Variants in DIP2C observed in about 807,000 individuals in gnomAD.
DIP2C encodes disco-interacting protein 2 homolog C.
DIP2C carries 33 observed loss-of-function variants against 192.4 expected under a neutral mutation model. The ratio of observed to expected loss-of-function variants is 0.17; its 90% CI spans 0.13 to 0.23. DIP2C has a LOEUF of 0.23. Ranked by LOEUF, DIP2C falls within the 10% of genes least tolerant of loss-of-function variation. The pLI is 1.00. For synonymous variants in DIP2C, 979 were observed against 864.1 expected, an observed-to-expected ratio of 1.13 and a Z score of -2.33; for missense variants, 1,537 against 2,110.1, an observed-to-expected ratio of 0.73 and a Z score of 5.32.
rs371827811 is a variant in DIP2C, at chr10:416,192, A to C, written c.740-304T>G. 3.9e-5 allele frequency among the ~76,000 whole-genome samples: 6 copies of C among 152,152 alleles called. No individual in the cohort carries two copies. The South Asian group carries it at 1.2e-3, about 32-fold the overall frequency. On this transcript the variant is annotated intron_variant, in intron 6 of 36. Coordinates refer to ENST00000280886, the MANE Select transcript of DIP2C (RefSeq NM_014974.3). ...CCCCAGCTCTGATTCTCAGGACAGAATTGTCACCTGCAGAGGGCAGACTCC... is the reference window on the plus strand; with the variant it reads ...CCCCAGCTCTGATTCTCAGGACAGACTTGTCACCTGCAGAGGGCAGACTCC...
chr10:525,909 G>A (rs1588389413), intron 1 of DIP2C, among the ~76,000 whole-genome samples: 1 of 152,186 alleles, frequency 6.6e-6, no homozygotes, highest in Non-Finnish European at 1.5e-5. Context: ...TCTGTGCCCA[G>A]GAATCTGCAT....
intron 1 of DIP2C, among the ~76,000 whole-genome samples, chr10:572,103 C>T (rs1849855603): frequency 6.6e-6 from 1 of 152,228 alleles, no homozygotes; most frequent in Non-Finnish European, 1.5e-5. Context: ...TGACAGCCTT[C>T]GATCACGGTT....
chr10:442,910 T>A (rs1397732573), intron 3 of DIP2C, among the ~76,000 whole-genome samples: 1 of 152,386 alleles, frequency 6.6e-6, no homozygotes, highest in East Asian at 1.9e-4. Context: ...AAGTGATTTT[T>A]ACCCTTCGTG....
At chr10:523,785 C>G (rs1177285564) in intron 1 of DIP2C, among the ~76,000 whole-genome samples, 1 of 152,176 alleles carries the variant, frequency 6.6e-6, no homozygotes, top group Non-Finnish European at 1.5e-5. Context: ...CCACCTGACG[C>G]AAAGGACCCT....
intron 17 of DIP2C, among the ~76,000 whole-genome samples, chr10:381,849 G>GC (rs1284648926): frequency 1.3e-5 from 2 of 152,238 alleles, no homozygotes; most frequent in Admixed American, 6.5e-5. Context: ...TGGACATGCT[G>GC]CCCCAAGAGC....
intron 1 of DIP2C, among the ~76,000 whole-genome samples, chr10:516,961 C>T (rs957375787): frequency 1.3e-4 from 19 of 151,430 alleles, no homozygotes; most frequent in Admixed American, 5.2e-4. Flanking sequence ...GAGAGGCATC[C>T]GCGGCACTTC....
At chr10:558,809 G>T (rs1019500246) in intron 1 of DIP2C, among the ~76,000 whole-genome samples, 1 of 152,124 alleles carries the variant, frequency 6.6e-6, no homozygotes, top group Non-Finnish European at 1.5e-5. Context: ...GGCAACACAG[G>T]AACAAAATAA....
Position 685,623 on chromosome 10 carries a change from G to A in DIP2C, c.85+3871C>T, listed in dbSNP as rs186290809. Among the ~76,000 whole-genome samples, 1,273 of 152,198 alleles carry A rather than the reference G, an allele frequency of 8.4e-3. 14 individuals carry two copies. Among genetic ancestry groups the A allele is most frequent in the Middle Eastern group, 0.027 (8 of 294 alleles). ...AACAGAGAAACTTACTTCCTAATTTGAATCAACAGCTAAATGCAATCTTTT... is the reference window on the plus strand; with the variant it reads ...AACAGAGAAACTTACTTCCTAATTTAAATCAACAGCTAAATGCAATCTTTT... On this transcript the variant is annotated intron_variant, in intron 1 of 36. Coordinates refer to ENST00000280886, the MANE Select transcript of DIP2C (RefSeq NM_014974.3).
chr10:557,089 C>T (rs539068521), intron 1 of DIP2C, among the ~76,000 whole-genome samples: 3 of 152,232 alleles, frequency 2.0e-5, no homozygotes, highest in East Asian at 1.9e-4. Context: ...CCACGGGACA[C>T]GGCCAGGAGA....
At chr10:538,538 G>GAA (rs1847819246) in intron 1 of DIP2C, among the ~76,000 whole-genome samples, 1 of 152,206 alleles carries the variant, frequency 6.6e-6, no homozygotes, top group Non-Finnish European at 1.5e-5. Flanking sequence ...GCTAGGGTGA[G>GAA]AGAGGGATGG....
chr10:332,754 A>G (rs564056454), intron 29 of DIP2C, among the ~76,000 whole-genome samples: 3 of 152,352 alleles, frequency 2.0e-5, no homozygotes, highest in African/African-American at 7.2e-5. Context: ...CTGACAAAAT[A>G]TACCAACAAC....
intron 1 of DIP2C, among the ~76,000 whole-genome samples, chr10:564,908 CTG>C (rs1160106641): frequency 6.6e-6 from 1 of 152,340 alleles, no homozygotes; most frequent in Admixed American, 6.5e-5. Context: ...TCTTTCTTCT[CTG>C]TGTTTGTCAA....
rs1455135675 is a variant in DIP2C at position 689,412 on chromosome 10, C to A, written c.85+82G>T. 2.1e-5 allele frequency: 18 copies of A among 848,536 alleles called. No individual in the cohort carries two copies. The Admixed American group carries it at 1.1e-3, about 51-fold the overall frequency. The allele number at this position is 848,536 out of a possible 1,614,324, so 52.6% of individuals were successfully genotyped here. ...CCTCCGGGCCCGGCCCCCGCCCCGC[C>A]GCAGGCCCCGCGCCCCCAGCCCTCC... On this transcript the variant is annotated intron_variant, in intron 1 of 36. Transcript: ENST00000280886. The surrounding 1 kb of genome is among the most constrained non-coding windows in gnomAD (Gnocchi z 6.1).
At chr10:382,556 C>T (rs775825987) in intron 17 of DIP2C, 91 bp downstream of exon 17, 2 of 982,448 alleles carry the variant, frequency 2.0e-6, no homozygotes, top group South Asian at 1.4e-5. Flanking sequence ...CCCTCACCCT[C>T]AGCATCAACT....
intron 34 of DIP2C, 147 bp downstream of exon 34, chr10:286,126 C>CA (rs1955108736): frequency 2.7e-6 from 2 of 729,684 alleles, no homozygotes; most frequent in Non-Finnish European, 4.7e-6. Flanking sequence ...AAGCTTACCT[C>CA]ACGCTATTTC....
At position 398,633 on chromosome 10, in the gene DIP2C, T is replaced by C. The variant is rs183595547; in HGVS notation, c.1260+476A>G. Among the ~76,000 whole-genome samples the C allele has an allele frequency of 2.0e-5, 3 of 152,300 alleles. No homozygotes were observed. The East Asian group carries it at 5.8e-4, about 29-fold the overall frequency. ...GAAACCTGTCTCAAATACTTTTTGA[T>C]TGACAACGCACATTAATTTCTTTAC... On this transcript the variant is annotated intron_variant, in intron 10 of 36. Transcript: ENST00000280886.
intron 24 of DIP2C, among the ~76,000 whole-genome samples, chr10:353,337 GAAGGTAT>G (rs973237249): frequency 6.6e-6 from 1 of 152,176 alleles, no homozygotes; most frequent in African/African-American, 2.4e-5. Context: ...AAATTCTAAA[GAAGGTAT>G]AAGTTAAAAA....
At chr10:341,501 G>A (rs867226383) in intron 28 of DIP2C, among the ~76,000 whole-genome samples, 172 bp from the exon 29 acceptor site, 3 of 146,766 alleles carry the variant, frequency 2.0e-5, no homozygotes, top group East Asian at 2.0e-4. Flanking sequence ...TGAACGCATC[G>A]GACCTGACAC....
At chr10:578,664 G>A (rs576034609) in intron 1 of DIP2C, among the ~76,000 whole-genome samples, 6 of 152,142 alleles carry the variant, frequency 3.9e-5, no homozygotes, top group African/African-American at 7.2e-5. Context: ...CCCTGCAGGG[G>A]CCCTATTCCT....
Sources: gnomAD v4.1 joint callset for allele counts (sites outside exome capture counted in the v4.1 genomes callset) on GRCh38, gnomAD v4.1.1 for gene constraint, Gnocchi (gnomAD v3.1) non-coding constraint, MANE v1.5 for transcripts, NCBI Gene and HGNC (gene_info 2026-07-23, HGNC 2026-07-21) for gene names.